SCNN1B: variants seen among roughly 807,000 people sequenced by gnomAD.
SCNN1B encodes sodium channel epithelial 1 subunit beta, also known as epithelial sodium channel subunit beta.
A neutral mutation model predicts 65.3 loss-of-function variants in SCNN1B; 46 were observed. The observed-to-expected ratio is 0.70, with a 90% CI of 0.56 to 0.90. SCNN1B has a LOEUF of 0.90. Ranked by LOEUF, SCNN1B falls within the 40% of genes least tolerant of loss-of-function variation. SCNN1B has a pLI of 0.00. For synonymous variants in SCNN1B, 349 were observed against 330.6 expected (o/e 1.06, Z -0.60); for missense variants, 751 against 830.5 (o/e 0.90, Z 1.18).
intron 1 of SCNN1B, among the ~76,000 whole-genome samples, chr16:23,323,045 T>C (rs956567413): frequency 6.7e-6 from 1 of 149,410 alleles, no homozygotes; most frequent in Admixed American, 6.6e-5. Context: ...AAAAAAAAAA[T>C]TAGCTCGGCA....
chr16:23,280,845 A>G (rs1960774850), intron 1 of SCNN1B, among the ~76,000 whole-genome samples: 1 of 152,250 alleles, frequency 6.6e-6, no homozygotes, highest in Admixed American at 6.5e-5. Context: ...GAATGACTGA[A>G]TAAATTAACA....
chr16:23,357,440 G>A (rs527450954), intron 4 of SCNN1B, among the ~76,000 whole-genome samples: 4 of 152,280 alleles, frequency 2.6e-5, no homozygotes, highest in Non-Finnish European at 4.4e-5. Context: ...AAAATTAACC[G>A]GGAGTGGTGG....
chr16:23,336,571 C>A (rs771154299), intron 1 of SCNN1B, among the ~76,000 whole-genome samples: 18 of 151,980 alleles, frequency 1.2e-4, no homozygotes, highest in Non-Finnish European at 2.2e-4. Flanking sequence ...GGGGTTTCAC[C>A]ATGTTGGCCA....
Position 23,380,568 on chromosome 16 carries a change from C to A in SCNN1B, c.1690C>A (p.Gln564Lys), listed in dbSNP as rs761025448. 6 of 1,614,066 alleles carry A rather than the reference C, an allele frequency of 3.7e-6. No individual in the cohort carries two copies. Among genetic ancestry groups the A allele is most frequent in the Non-Finnish European group, 8.5e-7 (1 of 1,180,038 alleles). ...KLVALAKSLR[Q>K]RRAQASYAGP... ...GGTGGCCTTGGCCAAGAGCCTACGGCAGCGGCGAGCCCAAGCCAGCTACGC... is the reference window on the plus strand; with the variant it reads ...GGTGGCCTTGGCCAAGAGCCTACGGAAGCGGCGAGCCCAAGCCAGCTACGC... Residue 564 changes from glutamine to lysine, a missense_variant, in exon 13 of 13, where the codon CAG becomes AAG. By Grantham distance (53) the Gln-to-Lys change is moderately conservative. Coordinates refer to ENST00000343070, the MANE Select transcript of SCNN1B (RefSeq NM_000336.3). The surrounding 1 kb of genome is among the most constrained non-coding windows in gnomAD (Gnocchi z 5.4).
chr16:23,361,294 A>G (rs1312211926), intron 4 of SCNN1B, among the ~76,000 whole-genome samples: 1 of 152,080 alleles, frequency 6.6e-6, no homozygotes, highest in Non-Finnish European at 1.5e-5. Flanking sequence ...CAACTCCTGG[A>G]CTCAAGTGAT....
intron 4 of SCNN1B, among the ~76,000 whole-genome samples, chr16:23,363,443 C>T (rs968661632): frequency 1.3e-5 from 2 of 152,252 alleles, no homozygotes; most frequent in Non-Finnish European, 2.9e-5. Flanking sequence ...CTTCTCCTTC[C>T]AGACAGACAA....
intron 1 of SCNN1B, among the ~76,000 whole-genome samples, chr16:23,343,999 A>C (rs898753239): frequency 2.0e-5 from 3 of 152,234 alleles, no homozygotes; most frequent in Non-Finnish European, 4.4e-5. Flanking sequence ...TAATGACCCA[A>C]GGGGCCAGAC....
chr16:23,287,678 A>G (rs1377055292), intron 2 of SCNN1B, among the ~76,000 whole-genome samples: 1 of 152,086 alleles, frequency 6.6e-6, no homozygotes, highest in Non-Finnish European at 1.5e-5. Flanking sequence ...GGGGAGGTTG[A>G]GGCTCCAGTG....
intron 5 of SCNN1B, 83 bp from the exon 6 acceptor site, chr16:23,371,216 G>C (rs907859875): frequency 1.3e-6 from 2 of 1,521,858 alleles, no homozygotes; most frequent in Non-Finnish European, 1.8e-6. Context: ...CCTGGCCGGA[G>C]GGAGCTTGGA....
chr16:23,349,007 C>T, intron 2 of SCNN1B, 97 bp downstream of exon 2: 1 of 993,612 alleles, frequency 1.0e-6, no homozygotes, highest in Non-Finnish European at 1.6e-6. Flanking sequence ...CCTTTCCTTC[C>T]TTCTCCTTTC....
chr16:23,303,191 C>T (rs1961123278), intron 1 of SCNN1B, among the ~76,000 whole-genome samples: 1 of 151,964 alleles, frequency 6.6e-6, no homozygotes, highest in Non-Finnish European at 1.5e-5. Context: ...GGGACATTCT[C>T]ACTCTAGCGT....
At chr16:23,330,841 A>G (rs1464743814) in intron 1 of SCNN1B, among the ~76,000 whole-genome samples, 1 of 152,138 alleles carries the variant, frequency 6.6e-6, no homozygotes, top group Non-Finnish European at 1.5e-5. Flanking sequence ...AGTGGCAGGC[A>G]TGAGCCACCA....
chr16:23,291,453 CAT>C lies in SCNN1B; in HGVS notation n.178+7658_178+7659del, dbSNP rs199639265. Among the ~76,000 whole-genome samples, 1,162 of 142,722 alleles carry C rather than the reference CAT, an allele frequency of 8.1e-3. 16 individuals carry two copies. Among genetic ancestry groups the C allele is most frequent in the African/African-American group, 0.029 (1,087 of 37,206 alleles). 93.6% of individuals were successfully genotyped at this position (142,722 alleles called of 152,430 possible). A position where few individuals can be genotyped will look rare whatever the true frequency, so the allele number is the denominator to read the frequency against. On this transcript the variant is annotated intron_variant and non_coding_transcript_variant, in intron 2 of 3. Transcript: ENST00000569789. Reference sequence around the variant, plus strand: ...TTTTGTTCTACATTTTTTATATATCCATATATATATGTGTGTGTGTAAGTGTG... The same window carrying C: ...TTTTGTTCTACATTTTTTATATATCCATATATATGTGTGTGTGTAAGTGTG...
In SCNN1B at chr16:23,305,903, C is replaced by T. The variant is rs536449294; in HGVS notation, c.-9+3466C>T. Among the ~76,000 whole-genome samples the T allele has an allele frequency of 3.9e-5, 6 of 152,144 alleles. No homozygotes were observed. The South Asian group carries it at 1.0e-3, about 26-fold the overall frequency. On this transcript the variant is annotated intron_variant, in intron 1 of 12. Transcript: ENST00000343070. ...GCAGCTAATATAAAAGGTAACACCA[C>T]GGACTCCACAGCCAATCTCTATCTC...
intron 4 of SCNN1B, among the ~76,000 whole-genome samples, chr16:23,356,803 T>C (rs1596868121): frequency 6.6e-6 from 1 of 152,156 alleles, no homozygotes; most frequent in East Asian, 1.9e-4. Flanking sequence ...GCCTCCCAGC[T>C]CCTGGCAAAC....
chr16:23,374,032 G>T (rs1962837468), intron 7 of SCNN1B, among the ~76,000 whole-genome samples: 1 of 152,130 alleles, frequency 6.6e-6, no homozygotes. Context: ...GAGCAGGCTT[G>T]AGCCCACCCC....
intron 1 of SCNN1B, among the ~76,000 whole-genome samples, chr16:23,336,692 T>G (rs926964721): frequency 2.0e-5 from 3 of 152,116 alleles, no homozygotes; most frequent in African/African-American, 7.2e-5. Flanking sequence ...TTTTCAATGA[T>G]TCTCAGAGGA....
intron 2 of SCNN1B, among the ~76,000 whole-genome samples, chr16:23,290,450 C>T (rs1380819341): frequency 6.6e-6 from 1 of 152,098 alleles, no homozygotes; most frequent in Non-Finnish European, 1.5e-5. Context: ...TGGGACTACA[C>T]GTGTGCACCA....
chr16:23,346,566 A>G (rs1347828211), intron 1 of SCNN1B, among the ~76,000 whole-genome samples: 2 of 151,996 alleles, frequency 1.3e-5, no homozygotes, highest in South Asian at 4.2e-4. Flanking sequence ...TCACACCCTC[A>G]TGCCTCCAAA....
Sources: gnomAD v4.1 joint callset for allele counts (sites outside exome capture counted in the v4.1 genomes callset) on GRCh38, gnomAD v4.1.1 for gene constraint, Gnocchi (gnomAD v3.1) non-coding constraint, MANE v1.5 for transcripts, NCBI Gene and HGNC (gene_info 2026-07-23, HGNC 2026-07-21) for gene names.